Variants in CDH13 observed in about 807,000 individuals in gnomAD.
The protein encoded by CDH13 is cadherin-13.
In CDH13, 24 loss-of-function variants were observed where a neutral mutation model predicts 63.8. The observed-to-expected ratio is 0.38, with a 90% confidence interval of 0.27 to 0.53. The LOEUF is 0.53. Ranked by LOEUF, CDH13 falls within the 20% of genes least tolerant of loss-of-function variation. The probability of loss-of-function intolerance (pLI) is 0.85; values close to 1 mark genes in which losing one functional copy is unlikely to be tolerated. For missense variants in CDH13, 1,049 were observed against 903.1 expected (o/e 1.16, Z -2.07); for synonymous variants, 503 against 355.3 (o/e 1.42, Z -4.67).
chr16:83,483,921 C>T (rs945349175), intron 6 of CDH13, among the ~76,000 whole-genome samples: 3 of 152,214 alleles, frequency 2.0e-5, no homozygotes, highest in Non-Finnish European at 2.9e-5. Context: ...GCTGTTCCTG[C>T]TGTCTTCCAG....
At chr16:83,742,020 G>C (rs1912113480) in intron 10 of CDH13, among the ~76,000 whole-genome samples, 1 of 152,200 alleles carries the variant, frequency 6.6e-6, no homozygotes, top group African/African-American at 2.4e-5. Flanking sequence ...AAAGAGGTTG[G>C]GGACTGCTGC....
intron 6 of CDH13, among the ~76,000 whole-genome samples, chr16:83,405,117 C>G (rs1028577845): frequency 1.3e-5 from 2 of 149,882 alleles, no homozygotes; most frequent in Non-Finnish European, 3.0e-5. Context: ...TTCTGAAGTC[C>G]CAATCCCTCT....
At chr16:82,821,495 C>G (rs1597703986) in intron 1 of CDH13, among the ~76,000 whole-genome samples, 1 of 152,182 alleles carries the variant, frequency 6.6e-6, no homozygotes, top group South Asian at 2.1e-4. Context: ...TCTGCCCTAT[C>G]CACATTCCTT....
chr16:83,023,541 A>G (rs1049360587), intron 2 of CDH13, among the ~76,000 whole-genome samples: 2 of 152,158 alleles, frequency 1.3e-5, no homozygotes, highest in Non-Finnish European at 2.9e-5. Context: ...CACAAGTTTA[A>G]TTGTTTAGTC....
chr16:83,036,559 C>T (rs1229233800), intron 3 of CDH13, among the ~76,000 whole-genome samples: 1 of 152,114 alleles, frequency 6.6e-6, no homozygotes, highest in Non-Finnish European at 1.5e-5. Flanking sequence ...CAAGCAAGGC[C>T]TGCAACCCAG....
chr16:83,327,445 A>G (rs994920536), intron 5 of CDH13, among the ~76,000 whole-genome samples: 2 of 152,228 alleles, frequency 1.3e-5, no homozygotes, highest in Non-Finnish European at 2.9e-5. Flanking sequence ...TCCAGAAAAA[A>G]GGGACTTCTT....
intron 1 of CDH13, among the ~76,000 whole-genome samples, chr16:82,633,786 G>A (rs1252107400): frequency 3.3e-5 from 5 of 152,164 alleles, no homozygotes; most frequent in Non-Finnish European, 5.9e-5. Flanking sequence ...TCTACATACA[G>A]TGTTAATGCT....
rs181321883 is a variant in CDH13 at position 82,871,770 on chromosome 16, C to G, written c.157+13297C>G. Among the ~76,000 whole-genome samples the G allele has an allele frequency of 9.2e-5, 14 of 152,238 alleles. No homozygotes were observed. In the East Asian group the frequency reaches 2.7e-3, roughly 29 times the overall value. Reference sequence around the variant, plus strand: ...TGGATCTAGATGCATTAATGATATCCTCAATATCACCCTTCATCCCCCAGC... The same window carrying G: ...TGGATCTAGATGCATTAATGATATCGTCAATATCACCCTTCATCCCCCAGC... On this transcript the variant is annotated intron_variant, in intron 2 of 13. Coordinates refer to ENST00000567109, the MANE Select transcript of CDH13 (RefSeq NM_001257.5).
rs759265693 is a variant in CDH13, at chr16:83,667,015, ATGGATGGATGGATGGG to A, written c.1102-3764_1102-3749del. Among the ~76,000 whole-genome samples the A allele has an allele frequency of 7.0e-3, 919 of 130,696 alleles. 7 individuals carry two copies. The highest frequency in any genetic ancestry group is 0.021 in the South Asian group (84 of 4,082). 85.7% of individuals were successfully genotyped at this position (130,696 alleles called of 152,430 possible). The stretch of plus-strand genomic sequence containing the variant: ...GATGGATGGATGGATGGATGGATGG[ATGGATGGATGGATGGG>A]TGGATGGATGAATGGAAGGATGGAT... On this transcript the variant is annotated intron_variant, in intron 8 of 13. Transcript: ENST00000567109.
chr16:83,360,647 G>C (rs1456008818), intron 6 of CDH13, among the ~76,000 whole-genome samples: 1 of 152,022 alleles, frequency 6.6e-6, no homozygotes, highest in Non-Finnish European at 1.5e-5. Flanking sequence ...GTCTGTTATT[G>C]CCATTTTTAT....
At chr16:83,293,771 G>C (rs1236779461) in intron 5 of CDH13, among the ~76,000 whole-genome samples, 1 of 152,136 alleles carries the variant, frequency 6.6e-6, no homozygotes, top group Non-Finnish European at 1.5e-5. Flanking sequence ...TTAAAAACGA[G>C]GATTTGGTCA....
chr16:83,307,114 C>T (rs2089899252), intron 5 of CDH13, among the ~76,000 whole-genome samples: 1 of 152,160 alleles, frequency 6.6e-6, no homozygotes, highest in South Asian at 2.1e-4. Context: ...GTGGTAACAA[C>T]ACAGGGTTTG....
chr16:83,479,461 C>G (rs1372446003), intron 6 of CDH13, among the ~76,000 whole-genome samples: 1 of 152,130 alleles, frequency 6.6e-6, no homozygotes, highest in Non-Finnish European at 1.5e-5. Flanking sequence ...TCGAGACCAT[C>G]CTGGCTAACA....
intron 2 of CDH13, among the ~76,000 whole-genome samples, chr16:82,931,229 C>T (rs529770840): frequency 6.6e-6 from 1 of 152,198 alleles, no homozygotes; most frequent in Non-Finnish European, 1.5e-5. Context: ...TCTGACTACC[C>T]TGCACAGAAT....
Position 83,680,574 on chromosome 16 carries a change from C to T in CDH13, c.1538+2113C>T, listed in dbSNP as rs28527331. 5.7e-3 allele frequency among the ~76,000 whole-genome samples: 863 copies of T among 152,272 alleles called. 12 individuals are homozygous for T. Among genetic ancestry groups the T allele is most frequent in the African/African-American group, 0.02 (818 of 41,556 alleles). On this transcript the variant is annotated intron_variant, in intron 10 of 13. Transcript: ENST00000567109. ...GAGCAAAGGTCACCTTACTATTAAACAGCACAGGCAGATAAGGGACTTCAT... is the reference window on the plus strand; with the variant it reads ...GAGCAAAGGTCACCTTACTATTAAATAGCACAGGCAGATAAGGGACTTCAT...
chr16:82,654,392 C>A (rs1336995862), intron 1 of CDH13, among the ~76,000 whole-genome samples: 1 of 152,194 alleles, frequency 6.6e-6, no homozygotes, highest in African/African-American at 2.4e-5. Context: ...TTGAGCCAAG[C>A]ATATAACATT....
At chr16:82,642,857 A>T (rs912624774) in intron 1 of CDH13, among the ~76,000 whole-genome samples, 1 of 152,210 alleles carries the variant, frequency 6.6e-6, no homozygotes, top group African/African-American at 2.4e-5. Context: ...CCCATTTCAT[A>T]GGTGGGGAAA....
chr16:82,670,177 A>G (rs1261154728), intron 1 of CDH13, among the ~76,000 whole-genome samples: 2 of 152,210 alleles, frequency 1.3e-5, no homozygotes, highest in Admixed American at 6.5e-5. Context: ...TTAATAAAGT[A>G]GAGCAGAAAT....
At position 83,325,886 on chromosome 16, in the gene CDH13, T is replaced by C. The variant is rs562492534; in HGVS notation, c.637-18976T>C. Among the ~76,000 whole-genome samples the C allele has an allele frequency of 4.6e-5, 7 of 152,338 alleles. No individual in the cohort carries two copies. The East Asian group carries it at 1.2e-3, about 25-fold the overall frequency. On this transcript the variant is annotated intron_variant, in intron 5 of 13. Transcript: ENST00000567109. ...TCGGCTGTGTTAAATTAATTGAATA[T>C]GGACTCACTTACAGAACGAAGTCCA...
Sources: allele counts gnomAD v4.1 joint callset (sites outside exome capture counted in the v4.1 genomes callset), GRCh38; gene constraint gnomAD v4.1.1; transcripts MANE v1.5; gene names NCBI Gene and HGNC (gene_info 2026-07-23, HGNC 2026-07-21).